Variants in EBF2 observed in about 807,000 individuals in gnomAD.
The protein encoded by EBF2 is EBF transcription factor 2.
In EBF2, 21 loss-of-function variants were observed where a neutral mutation model predicts 72.8. The ratio of observed to expected loss-of-function variants is 0.29; its 90% CI spans 0.20 to 0.42. The LOEUF (loss-of-function observed/expected upper bound fraction) is 0.42, where lower values mean the gene tolerates loss of function less well. Ranked by LOEUF, EBF2 falls within the 10% of genes least tolerant of loss-of-function variation. The pLI, the probability that EBF2 is intolerant of heterozygous loss-of-function variation, is 1.00. For missense variants in EBF2, 637 were observed against 731.2 expected, an observed-to-expected ratio of 0.87 and a Z score of 1.49; for synonymous variants, 299 against 274.2, an observed-to-expected ratio of 1.09 and a Z score of -0.89.
At chr8:25,989,012 C>A (rs7002349) in intron 6 of EBF2, among the ~76,000 whole-genome samples, 75,210 of 151,992 alleles carry the variant, frequency 0.49, 19,405 homozygotes, top group South Asian at 0.62. Flanking sequence ...GGGACAGTTG[C>A]GGTGTAGAGG....
intron 6 of EBF2, among the ~76,000 whole-genome samples, chr8:25,966,200 A>G (rs1804112238): frequency 6.6e-6 from 1 of 152,252 alleles, no homozygotes; most frequent in African/African-American, 2.4e-5. Flanking sequence ...GAGATGATCC[A>G]TGGTTTTCCA....
At chr8:26,035,884 A>AC (rs924470290) in intron 5 of EBF2, among the ~76,000 whole-genome samples, 1 of 146,046 alleles carries the variant, frequency 6.8e-6, no homozygotes, top group Non-Finnish European at 1.5e-5. Context: ...CCAAATCCCT[A>AC]CCCCCCACCC....
intron 10 of EBF2, among the ~76,000 whole-genome samples, chr8:25,863,442 C>T (rs1213059605): frequency 6.6e-5 from 10 of 152,046 alleles, no homozygotes; most frequent in East Asian, 1.9e-4. Context: ...AATTATAAAA[C>T]GAGTGAGTGA....
chr8:25,931,924 G>C (rs1803488258), intron 6 of EBF2, among the ~76,000 whole-genome samples: 2 of 152,130 alleles, frequency 1.3e-5, no homozygotes, highest in South Asian at 4.1e-4. Context: ...AGCAATAATA[G>C]TTATTGCTGC....
intron 6 of EBF2, chr8:26,032,877 A>G: frequency 3.5e-6 from 2 of 570,312 alleles, no homozygotes; most frequent in East Asian, 2.9e-5. Context: ...AAAAGACTCC[A>G]CCACAGATTT....
At position 25,856,285 on chromosome 8, in the gene EBF2, T is replaced by C. The variant is rs185982751; in HGVS notation, c.1528+2034A>G. On this transcript the variant is annotated intron_variant, in intron 14 of 15. Coordinates refer to ENST00000520164, the MANE Select transcript of EBF2 (RefSeq NM_022659.4). ...ACCTACATAGATTATGATTGAATGA[T>C]ATGAAATTGCCACTTTTGTAGATCA... Among the ~76,000 whole-genome samples the C allele has an allele frequency of 2.2e-4, 33 of 152,338 alleles. No homozygotes were observed. The East Asian group carries it at 6.2e-3, about 28-fold the overall frequency.
intron 6 of EBF2, among the ~76,000 whole-genome samples, chr8:25,949,695 C>T (rs73225953): frequency 6.6e-6 from 1 of 151,992 alleles, no homozygotes; most frequent in Non-Finnish European, 1.5e-5. Flanking sequence ...AAAGTAAGGA[C>T]ATGAGAAAAA....
chr8:26,008,451 AAGTC>A (rs1804919489), intron 6 of EBF2, among the ~76,000 whole-genome samples: 1 of 152,258 alleles, frequency 6.6e-6, no homozygotes, highest in South Asian at 2.1e-4. Context: ...TAAGAGCAAA[AAGTC>A]AGCCTAGTGT....
intron 15 of EBF2, among the ~76,000 whole-genome samples, chr8:25,847,801 A>G (rs1486761314): frequency 6.6e-6 from 1 of 152,132 alleles, no homozygotes; most frequent in Non-Finnish European, 1.5e-5. Flanking sequence ...TGATATTTTC[A>G]TAGATTTTTT....
intron 6 of EBF2, among the ~76,000 whole-genome samples, chr8:25,965,477 G>C (rs116858077): frequency 2.3e-3 from 346 of 152,314 alleles, no homozygotes; most frequent in Non-Finnish European, 3.0e-3. Flanking sequence ...GAGATTGAGA[G>C]TCCTCTATAT....
In EBF2 at chr8:25,897,769, G is replaced by A. The variant is rs542076905; in HGVS notation, c.634-7900C>T. Among the ~76,000 whole-genome samples, 3 of 152,296 alleles carry A rather than the reference G, an allele frequency of 2.0e-5. No homozygotes were observed. The South Asian group carries it at 6.2e-4, about 32-fold the overall frequency. ...ATTTTATCTGATCCACCATTGATGA[G>A]CATCTAGGTTGATTCCATGTCTTTG... On this transcript the variant is annotated intron_variant, in intron 7 of 15. Transcript: ENST00000520164.
chr8:25,913,108 G>A (rs188613662), intron 6 of EBF2, among the ~76,000 whole-genome samples: 1 of 152,178 alleles, frequency 6.6e-6, no homozygotes, highest in Non-Finnish European at 1.5e-5. Context: ...CTCCAAATTG[G>A]AATACAAGAT....
intron 6 of EBF2, among the ~76,000 whole-genome samples, chr8:25,919,755 T>A (rs1180475171): frequency 6.6e-6 from 1 of 152,232 alleles, no homozygotes; most frequent in Non-Finnish European, 1.5e-5. Context: ...CTGTTTCTGC[T>A]TCTTCCCTGA....
intron 10 of EBF2, among the ~76,000 whole-genome samples, chr8:25,874,757 C>A (rs1399728798): frequency 6.6e-6 from 1 of 151,992 alleles, no homozygotes; most frequent in Admixed American, 6.6e-5. Context: ...GCAATCATAG[C>A]TCACTGCAGC....
At chr8:25,958,459 G>A (rs774868038) in intron 6 of EBF2, among the ~76,000 whole-genome samples, 1 of 151,268 alleles carries the variant, frequency 6.6e-6, no homozygotes, top group Non-Finnish European at 1.5e-5. Context: ...GAACACATCT[G>A]CATTCCTTCT....
At chr8:25,891,039 G>A (rs151086970) in intron 7 of EBF2, among the ~76,000 whole-genome samples, 2 of 152,338 alleles carry the variant, frequency 1.3e-5, no homozygotes, top group African/African-American at 4.8e-5. Context: ...CTAAGCTCGG[G>A]GGGAGGTCCT....
rs1207924143 is a variant in EBF2, at chr8:25,842,814, A to G, written c.*1795T>C. The G allele has an allele frequency of 6.6e-6, 1 of 152,228 alleles. No homozygotes were observed. The highest frequency in any genetic ancestry group is 1.5e-5 in the Non-Finnish European group (1 of 68,040). 9.4% of individuals were successfully genotyped at this position (152,228 alleles called of 1,614,324 possible). ...TGCATCAATGGGTCAAAGAGAAGGT[A>G]TGCAGAATTAATGAAATCATCTAAA... On this transcript the variant is annotated 3_prime_UTR_variant, in exon 16 of 16. Coordinates refer to ENST00000520164, the MANE Select transcript of EBF2 (RefSeq NM_022659.4).
Position 25,930,163 on chromosome 8 carries a change from C to T in EBF2, c.552-21608G>A, listed in dbSNP as rs1355838160. On this transcript the variant is annotated intron_variant, in intron 6 of 15. Transcript: ENST00000520164. ...CTTTATTCAGGTTACATCTCCAGGGCTCATCCAGAATCAGGTATACTTCTT... is the reference window on the plus strand; with the variant it reads ...CTTTATTCAGGTTACATCTCCAGGGTTCATCCAGAATCAGGTATACTTCTT... Among the ~76,000 whole-genome samples the T allele has an allele frequency of 2.6e-5, 4 of 152,120 alleles. No homozygotes were observed. In the East Asian group the frequency reaches 5.8e-4, roughly 22 times the overall value.
chr8:26,040,520 G>GA, intron 4 of EBF2, 96 bp downstream of exon 4: 3 of 1,189,912 alleles, frequency 2.5e-6, no homozygotes, highest in Non-Finnish European at 2.4e-6. Context: ...TCTGACCCAG[G>GA]AAATCGTGGA....
Sources: gnomAD v4.1 joint callset for allele counts (sites outside exome capture counted in the v4.1 genomes callset) on GRCh38, gnomAD v4.1.1 for gene constraint, MANE v1.5 for transcripts, NCBI Gene and HGNC (gene_info 2026-07-23, HGNC 2026-07-21) for gene names.